The following NKAIN2 variants were observed in gnomAD, a reference collection of about 807,000 sequenced individuals.
NKAIN2 encodes the protein sodium/potassium-transporting ATPase subunit beta-1-interacting protein 2.
In NKAIN2, 14 loss-of-function variants were observed where a neutral mutation model predicts 32.6. The observed-to-expected ratio is 0.43, with a 90% CI of 0.28 to 0.67. NKAIN2 has a LOEUF of 0.67. NKAIN2 is among the 30% of genes least tolerant of loss of function. The pLI is 0.17. For missense variants in NKAIN2, 198 were observed against 258.3 expected, an observed-to-expected ratio of 0.77 and a Z score of 1.60; for synonymous variants, 80 against 87.2, an observed-to-expected ratio of 0.92 and a Z score of 0.46.
intron 3 of NKAIN2, among the ~76,000 whole-genome samples, chr6:124,441,382 A>G (rs889966766): frequency 3.3e-5 from 5 of 152,104 alleles, no homozygotes; most frequent in Admixed American, 1.3e-4. Flanking sequence ...GGACTTTAAT[A>G]TACTTTCTCT....
intron 1 of NKAIN2, among the ~76,000 whole-genome samples, chr6:124,190,548 T>C (rs1377750785): frequency 6.6e-6 from 1 of 152,240 alleles, no homozygotes; most frequent in Non-Finnish European, 1.5e-5. Context: ...TTACAGTGGC[T>C]CTATAATTGG....
intron 1 of NKAIN2, among the ~76,000 whole-genome samples, chr6:124,058,617 T>C (rs1243245257): frequency 6.6e-6 from 1 of 152,058 alleles, no homozygotes; most frequent in Non-Finnish European, 1.5e-5. Context: ...ATCTAATTCA[T>C]GGTTAAATGG....
intron 3 of NKAIN2, among the ~76,000 whole-genome samples, chr6:124,600,004 C>G (rs1782246547): frequency 1.3e-5 from 2 of 152,010 alleles, no homozygotes; most frequent in Non-Finnish European, 2.9e-5. Context: ...TTCCAGAGCT[C>G]CCAAATGGAT....
At chr6:124,600,927 T>C (rs1350278603) in intron 3 of NKAIN2, among the ~76,000 whole-genome samples, 3 of 152,076 alleles carry the variant, frequency 2.0e-5, no homozygotes, top group East Asian at 1.9e-4. Context: ...CAAAATGATC[T>C]AGATAAAAGA....
At chr6:124,164,026 T>C (rs1788405321) in intron 1 of NKAIN2, among the ~76,000 whole-genome samples, 1 of 152,022 alleles carries the variant, frequency 6.6e-6, no homozygotes, top group African/African-American at 2.4e-5. Context: ...GGATAGTCCA[T>C]ATTTGGTTTG....
At chr6:124,164,431 A>G (rs985163599) in intron 1 of NKAIN2, among the ~76,000 whole-genome samples, 6 of 152,078 alleles carry the variant, frequency 3.9e-5, no homozygotes, top group Admixed American at 6.6e-5. Flanking sequence ...TTAGAACACA[A>G]TAGTTTCTTT....
At chr6:124,088,113 A>G (rs1489067075) in intron 1 of NKAIN2, among the ~76,000 whole-genome samples, 1 of 151,998 alleles carries the variant, frequency 6.6e-6, no homozygotes, top group Non-Finnish European at 1.5e-5. Context: ...AAAGTTGCCA[A>G]AGATCTGTAT....
chr6:123,816,887 G>A (rs1018547510), intron 1 of NKAIN2, among the ~76,000 whole-genome samples: 1 of 152,150 alleles, frequency 6.6e-6, no homozygotes, highest in Non-Finnish European at 1.5e-5. Flanking sequence ...TAGTTATTGA[G>A]AAGGATAGGA....
At chr6:124,750,631 T>C (rs1044446435) in intron 4 of NKAIN2, among the ~76,000 whole-genome samples, 3 of 152,140 alleles carry the variant, frequency 2.0e-5, no homozygotes, top group African/African-American at 7.2e-5. Flanking sequence ...TGTGTAAGTA[T>C]ATCATTCTGG....
intron 1 of NKAIN2, among the ~76,000 whole-genome samples, chr6:124,001,797 C>CCAAATATATATA (rs1779884979): frequency 1.5e-5 from 1 of 68,726 alleles, no homozygotes; most frequent in African/African-American, 7.5e-5. Context: ...TCTCTTAGTT[C>CCAAATATATATA]TAAATATATA....
intron 3 of NKAIN2, among the ~76,000 whole-genome samples, chr6:124,504,919 C>T (rs559818889): frequency 4.3e-4 from 66 of 152,322 alleles, no homozygotes; most frequent in African/African-American, 1.5e-3. Flanking sequence ...TTTGTAGTAG[C>T]AGCAGAGGCA....
intron 1 of NKAIN2, among the ~76,000 whole-genome samples, chr6:123,942,666 A>G (rs1320880219): frequency 1.3e-5 from 2 of 151,976 alleles, no homozygotes; most frequent in African/African-American, 2.4e-5. Context: ...CCAAAGCTGA[A>G]GGACATCTCA....
At chr6:124,293,135 A>G (rs967228721) in intron 2 of NKAIN2, among the ~76,000 whole-genome samples, 1 of 152,102 alleles carries the variant, frequency 6.6e-6, no homozygotes, top group South Asian at 2.1e-4. Flanking sequence ...GGTCTTTACT[A>G]TATTTAAGTA....
At chr6:124,673,802 G>T (rs1453055866) in intron 4 of NKAIN2, among the ~76,000 whole-genome samples, 3 of 151,596 alleles carry the variant, frequency 2.0e-5, no homozygotes, top group Non-Finnish European at 4.4e-5. Flanking sequence ...CAGATATATG[G>T]TTTACCAATA....
intron 3 of NKAIN2, among the ~76,000 whole-genome samples, chr6:124,632,262 T>TATTG (rs1158399946): frequency 7.9e-5 from 12 of 152,284 alleles, no homozygotes; most frequent in African/African-American, 2.9e-4. Context: ...AGGAAAAACA[T>TATTG]ATTGATAGAT....
chr6:124,462,779 T>C (rs1209578904), intron 3 of NKAIN2, among the ~76,000 whole-genome samples: 4 of 152,076 alleles, frequency 2.6e-5, no homozygotes, highest in African/African-American at 7.2e-5. Context: ...TGTACTTCGA[T>C]GTATATCTCT....
chr6:124,486,583 C>A (rs1438371466), intron 3 of NKAIN2, among the ~76,000 whole-genome samples: 1 of 152,162 alleles, frequency 6.6e-6, no homozygotes, highest in Non-Finnish European at 1.5e-5. Flanking sequence ...AGTTTAAGTG[C>A]AGTCCATTCT....
chr6:124,508,584 C>G (rs931561382), intron 3 of NKAIN2, among the ~76,000 whole-genome samples: 2 of 152,074 alleles, frequency 1.3e-5, no homozygotes, highest in Non-Finnish European at 2.9e-5. Flanking sequence ...ACCTCGTGAT[C>G]TGCCCGCCTC....
At chr6:124,410,155 C>T (rs1432913168) in intron 3 of NKAIN2, among the ~76,000 whole-genome samples, 1 of 152,078 alleles carries the variant, frequency 6.6e-6, no homozygotes. Context: ...CTCCTGGATT[C>T]ATTGATTTTT....
Sources: gnomAD v4.1 joint callset for allele counts (sites outside exome capture counted in the v4.1 genomes callset) on GRCh38, gnomAD v4.1.1 for gene constraint, MANE v1.5 for transcripts, NCBI Gene and HGNC (gene_info 2026-07-23, HGNC 2026-07-21) for gene names.